UBQLN1: variants seen among roughly 807,000 people sequenced by gnomAD.
UBQLN1 encodes the protein ubiquilin-1.
UBQLN1 carries 13 observed loss-of-function variants against 65.4 expected under a neutral mutation model. The ratio of observed to expected loss-of-function variants is 0.20; its 90% CI spans 0.13 to 0.32. The LOEUF is 0.32. UBQLN1 is among the 10% of genes least tolerant of loss of function. The pLI, the probability that UBQLN1 is intolerant of heterozygous loss-of-function variation, is 1.00. For synonymous variants in UBQLN1, 267 were observed against 247.8 expected (o/e 1.08, Z -0.73); for missense variants, 561 against 724.0 (o/e 0.77, Z 2.58).
intron 1 of UBQLN1, among the ~76,000 whole-genome samples, chr9:83,688,505 A>G (rs558814418): frequency 1.7e-4 from 26 of 152,304 alleles, no homozygotes; most frequent in African/African-American, 5.8e-4. Context: ...TGACTTAATT[A>G]CTGAACATAC....
At chr9:83,669,640 T>G (rs554048682) in intron 6 of UBQLN1, among the ~76,000 whole-genome samples, 58 of 152,244 alleles carry the variant, frequency 3.8e-4, no homozygotes, top group African/African-American at 1.3e-3. Context: ...TGCTGAAAAA[T>G]TCCATAAAGT....
chr9:83,679,991 A>G lies in UBQLN1; in HGVS notation c.495T>C (p.Thr165=), dbSNP rs1831913010. 1.2e-6 allele frequency: 2 copies of G among 1,614,202 alleles called. No individual in the cohort carries two copies. Among genetic ancestry groups the G allele is most frequent in the Middle Eastern group, 1.6e-4 (1 of 6,062 alleles). Residue 165 remains threonine, a synonymous_variant, in exon 4 of 11, where the codon ACT becomes ACC. Coordinates refer to ENST00000376395, the MANE Select transcript of UBQLN1 (RefSeq NM_013438.5). ...LAGLSSLGLN[T]TNFSELQSQM... is the part of the protein sequence containing the mutation. ...GACTCTGTAGTTCAGAGAAGTTGGT[A>G]GTATTCAAACCCAAGCTACTCAGAC...
chr9:83,666,518 G>T, intron 7 of UBQLN1, 85 bp from the exon 8 acceptor site: 2 of 1,296,224 alleles, frequency 1.5e-6, no homozygotes, highest in Non-Finnish European at 2.2e-6. Flanking sequence ...TCCCCCAAGT[G>T]CCTCAGCTGG....
intron 2 of UBQLN1, among the ~76,000 whole-genome samples, chr9:83,685,762 A>G (rs1467681752): frequency 6.6e-6 from 1 of 152,254 alleles, no homozygotes; most frequent in Non-Finnish European, 1.5e-5. Flanking sequence ...TAATGCAAAT[A>G]ATTTAGGTAT....
chr9:83,678,433 T>C lies in UBQLN1; in HGVS notation c.870+8A>G. 4 of 1,606,934 alleles carry C rather than the reference T, an allele frequency of 2.5e-6. No individual in the cohort carries two copies. Among genetic ancestry groups the C allele is most frequent in the Middle Eastern group, 3.3e-4 (2 of 6,030 alleles). Reference sequence around the variant, plus strand: ...TCCTTGGCCTGAACCTTGGAGCCAGTGGATCACCTGCTCTTGTGCAGCACT... The same window carrying C: ...TCCTTGGCCTGAACCTTGGAGCCAGCGGATCACCTGCTCTTGTGCAGCACT... On this transcript the variant is annotated splice_region_variant and intron_variant, in intron 5 of 10. Coordinates refer to ENST00000376395, the MANE Select transcript of UBQLN1 (RefSeq NM_013438.5).
Position 83,677,977 on chromosome 9 carries a change from T to C in UBQLN1, c.871-16A>G. On this transcript the variant is annotated splice_polypyrimidine_tract_variant and intron_variant, in intron 5 of 10. Transcript: ENST00000376395. ...TACCACCAAACTGTAATAAAAGACA[T>C]AAAAAATCACAAAGAATAAGCTTTT... 4 of 1,486,026 alleles carry C rather than the reference T, an allele frequency of 2.7e-6. No homozygotes were observed. Among genetic ancestry groups the C allele is most frequent in the Non-Finnish European group, 2.8e-6 (3 of 1,083,448 alleles). The allele number at this position is 1,486,026 out of a possible 1,614,324, so 92.1% of individuals were successfully genotyped here. A position where few individuals can be genotyped will look rare whatever the true frequency, so the allele number is the denominator to read the frequency against.
intron 1 of UBQLN1, among the ~76,000 whole-genome samples, chr9:83,687,404 A>T (rs1832057297): frequency 6.6e-6 from 1 of 152,246 alleles, no homozygotes; most frequent in Admixed American, 6.5e-5. Context: ...GAGTGGGCCC[A>T]GGAATCTACA....
rs1302118248 is a variant in UBQLN1 at position 83,669,221 on chromosome 9, C to T, written c.1212G>A (p.Met404Ile). ...GGTCAGGATTCTGGCTTAGTGACTG[C>T]ATCATGCTTCTCATGTAGGGGGCAG... ...MLSAPYMRSMMQSLSQNPDLA... is the reference protein window; with the variant it reads ...MLSAPYMRSMIQSLSQNPDLA... Residue 404 changes from methionine to isoleucine, a missense_variant, in exon 7 of 11, where the codon ATG becomes ATA. Physicochemically the swap from Met to Ile is conservative, Grantham distance 10. Around this residue, in one of 8 missense-constraint regions of UBQLN1, gnomAD observed 102 missense variants for 150.7 expected, o/e 0.68. Transcript: ENST00000376395. 4 of 1,612,064 alleles carry T rather than the reference C, an allele frequency of 2.5e-6. No homozygotes were observed. The highest frequency in any genetic ancestry group is 1.1e-5 in the South Asian group (1 of 90,596).
At chr9:83,678,706 C>CTGTTT in intron 4 of UBQLN1, 107 bp from the exon 5 acceptor site, 1 of 1,218,312 alleles carries the variant, frequency 8.2e-7, no homozygotes, top group South Asian at 1.5e-5. Context: ...TGGGAGGCCA[C>CTGTTT]TGTTTTGTTT....
At chr9:83,674,234 AAAGG>A (rs1831789754) in intron 6 of UBQLN1, among the ~76,000 whole-genome samples, 1 of 152,034 alleles carries the variant, frequency 6.6e-6, no homozygotes, top group Admixed American at 6.5e-5. Context: ...GAACAAGAAA[AAAGG>A]AAGAAGGAGA....
intron 2 of UBQLN1, among the ~76,000 whole-genome samples, chr9:83,685,139 AGC>A (rs1832018646): frequency 7.0e-6 from 1 of 143,372 alleles, no homozygotes; most frequent in Admixed American, 7.6e-5. Flanking sequence ...TATTCAGAAT[AGC>A]ACCAAAATAG....
Position 83,667,817 on chromosome 9 carries a change from A to C in UBQLN1, c.1248+1368T>G, listed in dbSNP as rs1345297300. On this transcript the variant is annotated intron_variant, in intron 7 of 10. Coordinates refer to ENST00000376395, the MANE Select transcript of UBQLN1 (RefSeq NM_013438.5). ...AATATTTAAAAATCAAAAGAATAGA[A>C]AAACCACAAATTTTAATCTGCAGAT... is the stretch of plus-strand genomic sequence containing the variant. 5.1e-6 allele frequency: 5 copies of C among 975,796 alleles called. No individual in the cohort carries two copies. The East Asian group carries it at 4.6e-4, about 89-fold the overall frequency. The allele number at this position is 975,796 out of a possible 1,614,324, so 60.4% of individuals were successfully genotyped here. A position where few individuals can be genotyped will look rare whatever the true frequency, so the allele number is the denominator to read the frequency against.
intron 9 of UBQLN1, 39 bp from the exon 10 acceptor site, chr9:83,664,082 C>A: frequency 1.3e-6 from 2 of 1,578,380 alleles, no homozygotes; most frequent in Non-Finnish European, 1.7e-6. Context: ...TAAGGTCCTG[C>A]AAAACCAGAA....
intron 4 of UBQLN1, 132 bp downstream of exon 4, chr9:83,679,643 T>A (rs1292901735): frequency 2.0e-6 from 2 of 998,666 alleles, no homozygotes; most frequent in East Asian, 5.2e-5. Context: ...TTTGTTGAGT[T>A]TTCTTAAACC....
At position 83,660,540 on chromosome 9, in the gene UBQLN1, C is replaced by T. The variant is rs924287417; in HGVS notation, c.*1247G>A. ...CCAAATGTACTCAACATCATTAAAA[C>T]GGCTCTTTGTTTTTCACCCCTGAAT... On this transcript the variant is annotated 3_prime_UTR_variant, in exon 11 of 11. Transcript: ENST00000376395. The T allele has an allele frequency of 1.3e-5, 2 of 152,436 alleles. No individual in the cohort carries two copies. Among genetic ancestry groups the T allele is most frequent in the Admixed American group, 1.3e-4 (2 of 15,276 alleles). The allele number at this position is 152,436 out of a possible 1,614,324, so 9.4% of individuals were successfully genotyped here. A position where few individuals can be genotyped will look rare whatever the true frequency, so the allele number is the denominator to read the frequency against.
At chr9:83,685,982 T>C in intron 2 of UBQLN1, 22 bp downstream of exon 2, 3 of 1,587,186 alleles carry the variant, frequency 1.9e-6, no homozygotes, top group Non-Finnish European at 2.6e-6. Context: ...ATTTTAAAGC[T>C]GTACATCTTC....
At chr9:83,706,385 A>G (rs750716408) in intron 1 of UBQLN1, among the ~76,000 whole-genome samples, 2 of 152,238 alleles carry the variant, frequency 1.3e-5, no homozygotes, top group African/African-American at 4.8e-5. Flanking sequence ...AAGCACTGGG[A>G]GACAAAAACA....
intron 2 of UBQLN1, among the ~76,000 whole-genome samples, chr9:83,684,870 G>A (rs12346234): frequency 1.2e-3 from 76 of 64,310 alleles, no homozygotes; most frequent in Middle Eastern, 0.027. Flanking sequence ...TACCAGATAA[G>A]AGTTTTGAAT....
chr9:83,676,790 G>A (rs1485900812), intron 6 of UBQLN1, among the ~76,000 whole-genome samples: 1 of 152,154 alleles, frequency 6.6e-6, no homozygotes. Flanking sequence ...TCTTAGAGAA[G>A]TGCTCCCATG....
Sources: gnomAD v4.1 joint callset for allele counts (sites outside exome capture counted in the v4.1 genomes callset) on GRCh38, gnomAD v4.1.1 for gene constraint, gnomAD v4.1.1 regional missense constraint, MANE v1.5 for transcripts, NCBI Gene and HGNC (gene_info 2026-07-23, HGNC 2026-07-21) for gene names.